The following CCSAP variants were observed in gnomAD, a reference collection of about 807,000 sequenced individuals.
The protein encoded by CCSAP is centriole, cilia and spindle-associated protein.
In CCSAP, 17 loss-of-function variants were observed where a neutral mutation model predicts 25.9. That is an observed-to-expected ratio of 0.66 (90% CI 0.45 to 0.99). The LOEUF (loss-of-function observed/expected upper bound fraction) is 0.99. CCSAP is among the 50% of genes least tolerant of loss of function. The pLI, the probability that CCSAP is intolerant of heterozygous loss-of-function variation, is 0.00. For missense variants in CCSAP, 339 were observed against 367.8 expected, an observed-to-expected ratio of 0.92 and a Z score of 0.64; for synonymous variants, 169 against 157.1, an observed-to-expected ratio of 1.08 and a Z score of -0.57.
intron 2 of CCSAP, among the ~76,000 whole-genome samples, chr1:229,336,785 C>A (rs1165343264): frequency 1.3e-5 from 2 of 151,912 alleles, no homozygotes; most frequent in African/African-American, 4.8e-5. Flanking sequence ...TGGCCTTTTT[C>A]TTTTCTTTTC....
rs1043141015 is a variant in CCSAP at position 229,324,682 on chromosome 1, A to T, written c.*553T>A. ...GAACTGAAATACAAATAAGTTAAAA[A>T]TTTTCAGGAACTAGCAAAGTTCTAC... On this transcript the variant is annotated 3_prime_UTR_variant, in exon 4 of 4. Coordinates refer to ENST00000284617, the MANE Select transcript of CCSAP (RefSeq NM_145257.5). The T allele has an allele frequency of 6.6e-6, 1 of 152,608 alleles. No individual in the cohort carries two copies. The highest frequency in any genetic ancestry group is 1.5e-5 in the Non-Finnish European group (1 of 68,052). The allele number at this position is 152,608 out of a possible 1,614,324, so 9.5% of individuals were successfully genotyped here.
chr1:229,327,528 G>A (rs369267054), intron 2 of CCSAP: 2 of 456,068 alleles, frequency 4.4e-6, no homozygotes, highest in Admixed American at 2.4e-5. Context: ...GATTTCCATC[G>A]TTACCGCCTA....
Position 229,325,000 on chromosome 1 carries a change from G to T in CCSAP, c.*235C>A. The T allele has an allele frequency of 2.5e-6, 1 of 404,830 alleles. No homozygotes were observed. Among genetic ancestry groups the T allele is most frequent in the Non-Finnish European group, 4.4e-6 (1 of 227,278 alleles). The allele number at this position is 404,830 out of a possible 1,614,324, so 25.1% of individuals were successfully genotyped here. The stretch of plus-strand genomic sequence containing the variant: ...ACCTTATAAGAATATCAAAGATTTA[G>T]GGAATTATCTTCATAAATAACCAAA... On this transcript the variant is annotated 3_prime_UTR_variant, in exon 4 of 4. Coordinates refer to ENST00000284617, the MANE Select transcript of CCSAP (RefSeq NM_145257.5).
chr1:229,328,704 T>C (rs1040670161), intron 2 of CCSAP, among the ~76,000 whole-genome samples: 13 of 152,240 alleles, frequency 8.5e-5, no homozygotes, highest in African/African-American at 2.9e-4. Flanking sequence ...GTGACTCTTG[T>C]CTATTTCTAC....
intron 2 of CCSAP, among the ~76,000 whole-genome samples, chr1:229,327,867 CAAAAA>C (rs765651478): frequency 3.4e-4 from 31 of 91,786 alleles, no homozygotes; most frequent in African/African-American, 4.1e-4. Context: ...GACTCCGTCT[CAAAAA>C]AAAAAAAAAA....
chr1:229,337,167 G>A lies in CCSAP; in HGVS notation c.367+4932C>T, dbSNP rs193270367. Among the ~76,000 whole-genome samples the A allele has an allele frequency of 1.4e-4, 21 of 152,102 alleles. No individual in the cohort carries two copies. In the East Asian group the frequency reaches 3.1e-3, roughly 22 times the overall value. ...GAACCTTCCAGAATGAAAAAGGCCAGCCAAATGAATGAAAAAAGACACACA... is the reference window on the plus strand; with the variant it reads ...GAACCTTCCAGAATGAAAAAGGCCAACCAAATGAATGAAAAAAGACACACA... On this transcript the variant is annotated intron_variant, in intron 2 of 3. Coordinates refer to ENST00000284617, the MANE Select transcript of CCSAP (RefSeq NM_145257.5).
chr1:229,342,070 C>T lies in CCSAP; in HGVS notation c.367+29G>A. 7.6e-7 allele frequency: 1 copy of T among 1,320,166 alleles called. No individual in the cohort carries two copies. Among genetic ancestry groups the T allele is most frequent in the African/African-American group, 1.5e-5 (1 of 66,170 alleles). 81.8% of individuals were successfully genotyped at this position (1,320,166 alleles called of 1,614,324 possible). A position where few individuals can be genotyped will look rare whatever the true frequency, so the allele number is the denominator to read the frequency against. On this transcript the variant is annotated intron_variant, in intron 2 of 3. Coordinates refer to ENST00000284617, the MANE Select transcript of CCSAP (RefSeq NM_145257.5). This position sits in a 1 kb window ranked among gnomAD's most constrained non-coding sequence, Gnocchi z 7.5. ...AGAGCAAACCGTCCCTGCGTGCAGG[C>T]CCCTCGCGCTCCCCTCCGGGCCGGG...
In CCSAP at chr1:229,342,155, T is replaced by C; in HGVS notation, c.311A>G (p.Gln104Arg). The C allele has an allele frequency of 7.6e-7, 1 of 1,317,244 alleles. No individual in the cohort carries two copies. The highest frequency in any genetic ancestry group is 2.3e-5 in the South Asian group (1 of 44,440). The allele number at this position is 1,317,244 out of a possible 1,614,324, so 81.6% of individuals were successfully genotyped here. A position where few individuals can be genotyped will look rare whatever the true frequency, so the allele number is the denominator to read the frequency against. ...ERRARGAPEE[Q>R]DAEAGDAEAE... ...CTCCGCGTCCCCGGCCTCCGCGTCC[T>C]GCTCCTCCGGGGCCCCGCGCGCCCG... is the stretch of plus-strand genomic sequence containing the variant. Residue 104 changes from glutamine (Q) to arginine (R), a missense_variant, in exon 2 of 4, where the codon CAG (glutamine) becomes CGG (arginine). Gln to Arg is a conservative substitution (Grantham distance 43). Transcript: ENST00000284617. The surrounding 1 kb of genome is among the most constrained non-coding windows in gnomAD (Gnocchi z 7.5).
chr1:229,342,804 C>T lies in CCSAP; in HGVS notation c.-49+108G>A. On this transcript the variant is annotated intron_variant, in intron 1 of 3. Coordinates refer to ENST00000284617, the MANE Select transcript of CCSAP (RefSeq NM_145257.5). The surrounding 1 kb of genome is among the most constrained non-coding windows in gnomAD (Gnocchi z 7.5). ...GGGACCGCAGGAGACTGGGGCTGAGCGGGAGGAGGAGCGAGGGAGGGGAGC... is the reference window on the plus strand; with the variant it reads ...GGGACCGCAGGAGACTGGGGCTGAGTGGGAGGAGGAGCGAGGGAGGGGAGC... 1 of 190,004 alleles carries T rather than the reference C, an allele frequency of 5.3e-6. No homozygotes were observed. Among genetic ancestry groups the T allele is most frequent in the Non-Finnish European group, 1.1e-5 (1 of 93,240 alleles). The allele number at this position is 190,004 out of a possible 1,614,324, so 11.8% of individuals were successfully genotyped here.
chr1:229,327,597 C>T (rs1448376429), intron 2 of CCSAP: 17 of 455,602 alleles, frequency 3.7e-5, no homozygotes, highest in East Asian at 6.9e-5. Context: ...CGGCCGGGTG[C>T]GGTGGCTCAC....
At chr1:229,331,814 AT>A (rs2102694692) in intron 2 of CCSAP, among the ~76,000 whole-genome samples, 1 of 146,328 alleles carries the variant, frequency 6.8e-6, no homozygotes, top group African/African-American at 2.5e-5. Context: ...TATTATTATT[AT>A]TATTATTATT....
In CCSAP at chr1:229,325,126, A is replaced by C; in HGVS notation, c.*109T>G. 1 of 1,107,830 alleles carries C rather than the reference A, an allele frequency of 9.0e-7. No homozygotes were observed. The highest frequency in any genetic ancestry group is 2.7e-5 in the Admixed American group (1 of 37,558). 68.6% of individuals were successfully genotyped at this position (1,107,830 alleles called of 1,614,324 possible). ...AAATTCCCTAAAAAAAACCTTGCAT[A>C]ATCAGTTGGTTTCTTAAACCTGTGT... On this transcript the variant is annotated 3_prime_UTR_variant, in exon 4 of 4. Transcript: ENST00000284617.
chr1:229,336,371 G>T (rs1658195804), intron 2 of CCSAP, among the ~76,000 whole-genome samples: 1 of 151,804 alleles, frequency 6.6e-6, no homozygotes, highest in South Asian at 2.1e-4. Flanking sequence ...AGAAACCAAG[G>T]GAAACAGCTT....
rs1185737214 is a variant in CCSAP, at chr1:229,342,953, C to G, written c.-90G>C. On this transcript the variant is annotated 5_prime_UTR_variant, in exon 1 of 4. Coordinates refer to ENST00000284617, the MANE Select transcript of CCSAP (RefSeq NM_145257.5). The surrounding 1 kb of genome is among the most constrained non-coding windows in gnomAD (Gnocchi z 7.5). ...CCGGCCGATCCTCTGCGCCCAGGCC[C>G]GAGGCGCGCGTGGCGCAGCAGCTAA... The G allele has an allele frequency of 6.5e-6, 1 of 152,856 alleles. No homozygotes were observed. Among genetic ancestry groups the G allele is most frequent in the Non-Finnish European group, 1.5e-5 (1 of 68,354 alleles). 9.5% of individuals were successfully genotyped at this position (152,856 alleles called of 1,614,324 possible). A position where few individuals can be genotyped will look rare whatever the true frequency, so the allele number is the denominator to read the frequency against.
intron 2 of CCSAP, among the ~76,000 whole-genome samples, chr1:229,337,951 A>T (rs928159030): frequency 4.0e-5 from 6 of 151,862 alleles, no homozygotes; most frequent in Non-Finnish European, 8.8e-5. Context: ...AAAATAAGCA[A>T]ACAAAAAAGT....
chr1:229,340,918 G>A (rs544268109), intron 2 of CCSAP, among the ~76,000 whole-genome samples: 78 of 152,262 alleles, frequency 5.1e-4, no homozygotes, highest in South Asian at 1.9e-3. Flanking sequence ...GATTAGGGCC[G>A]GGCATGGTGG....
Position 229,329,957 on chromosome 1 carries a change from C to G in CCSAP, c.368-2951G>C, listed in dbSNP as rs1658030983. 2.6e-5 allele frequency among the ~76,000 whole-genome samples: 4 copies of G among 152,242 alleles called. No individual in the cohort carries two copies. The South Asian group carries it at 8.3e-4, about 32-fold the overall frequency. ...AGTGAGCCGAGATTGCACCATTGCA[C>G]TCCACCCTGGGCAACAAGAGCAAAA... On this transcript the variant is annotated intron_variant, in intron 2 of 3. Coordinates refer to ENST00000284617, the MANE Select transcript of CCSAP (RefSeq NM_145257.5).
Position 229,323,752 on chromosome 1 carries a change from C to T in CCSAP, c.*1483G>A, listed in dbSNP as rs1462070107. 1 of 152,134 alleles carries T rather than the reference C, an allele frequency of 6.6e-6. No homozygotes were observed. The highest frequency in any genetic ancestry group is 1.5e-5 in the Non-Finnish European group (1 of 68,032). The allele number at this position is 152,134 out of a possible 1,614,324, so 9.4% of individuals were successfully genotyped here. A position where few individuals can be genotyped will look rare whatever the true frequency, so the allele number is the denominator to read the frequency against. On this transcript the variant is annotated 3_prime_UTR_variant, in exon 4 of 4. Transcript: ENST00000284617. ...TCAGTATGTGTTTTCAAAGCTTAAA[C>T]AGTTATCATGTGTGAAGAGTTTATG... is the stretch of plus-strand genomic sequence containing the variant.
rs1657823440 is a variant in CCSAP at position 229,321,497 on chromosome 1, A to C, written c.*3738T>G. 1 of 152,222 alleles carries C rather than the reference A, an allele frequency of 6.6e-6. No homozygotes were observed. Among genetic ancestry groups the C allele is most frequent in the African/African-American group, 2.4e-5 (1 of 41,458 alleles). The allele number at this position is 152,222 out of a possible 1,614,324, so 9.4% of individuals were successfully genotyped here. A position where few individuals can be genotyped will look rare whatever the true frequency, so the allele number is the denominator to read the frequency against. ...CAAATGCAAACGTTGTGCAATGACC[A>C]GGTCATATTTTTAAGATCACTCTTT... is the stretch of plus-strand genomic sequence containing the variant. On this transcript the variant is annotated 3_prime_UTR_variant, in exon 4 of 4. Coordinates refer to ENST00000284617, the MANE Select transcript of CCSAP (RefSeq NM_145257.5).
Sources: allele counts gnomAD v4.1 joint callset (sites outside exome capture counted in the v4.1 genomes callset), GRCh38; gene constraint gnomAD v4.1.1; non-coding constraint Gnocchi (gnomAD v3.1); transcripts MANE v1.5; gene names NCBI Gene and HGNC (gene_info 2026-07-23, HGNC 2026-07-21).